Variants in SLC14A2 observed in about 807,000 individuals in gnomAD.
SLC14A2 encodes the protein solute carrier family 14 member 2.
SLC14A2 carries 91 observed loss-of-function variants against 104.6 expected under a neutral mutation model. The ratio of observed to expected loss-of-function variants is 0.87; its 90% CI spans 0.73 to 1.04. The LOEUF (loss-of-function observed/expected upper bound fraction) is 1.04, where lower values mean the gene tolerates loss of function less well. Ranked by LOEUF, SLC14A2 falls within the 50% of genes least tolerant of loss-of-function variation. The probability of loss-of-function intolerance (pLI) is 0.00; values close to 1 mark genes in which losing one functional copy is unlikely to be tolerated. For missense variants in SLC14A2, 1,189 were observed against 1,156.0 expected (o/e 1.03, Z -0.41); for synonymous variants, 476 against 466.4 (o/e 1.02, Z -0.27).
chr18:45,628,033 A>G (rs1027899445), intron 4 of SLC14A2, among the ~76,000 whole-genome samples: 8 of 151,712 alleles, frequency 5.3e-5, no homozygotes, highest in Admixed American at 2.0e-4. Context: ...AAAGAAAAAG[A>G]AAAAAGAATA....
intron 2 of SLC14A2, among the ~76,000 whole-genome samples, chr18:45,605,023 A>G (rs1373672613): frequency 6.6e-6 from 1 of 152,132 alleles, no homozygotes; most frequent in Non-Finnish European, 1.5e-5. Flanking sequence ...CTTCTGCACA[A>G]TGAGGCTTCC....
intron 2 of SLC14A2, among the ~76,000 whole-genome samples, chr18:45,485,616 C>A (rs1406757581): frequency 6.6e-6 from 1 of 152,204 alleles, no homozygotes; most frequent in Admixed American, 6.5e-5. Flanking sequence ...GTGTGGCCAG[C>A]ATCACAAACC....
At chr18:45,283,646 C>T (rs1317603198) in intron 1 of SLC14A2, among the ~76,000 whole-genome samples, 2 of 152,234 alleles carry the variant, frequency 1.3e-5, no homozygotes, top group Non-Finnish European at 2.9e-5. Context: ...GACTTCTACA[C>T]TGTGTATTCA....
intron 1 of SLC14A2, among the ~76,000 whole-genome samples, chr18:45,318,991 TCAGAGACCCCAGTA>T (rs763001409): frequency 6.6e-6 from 1 of 152,084 alleles, no homozygotes; most frequent in Non-Finnish European, 1.5e-5. Context: ...CAGATCCAGC[TCAGAGACCCCAGTA>T]CAGAGACTCC....
At chr18:45,547,001 T>G (rs1004683934) in intron 2 of SLC14A2, among the ~76,000 whole-genome samples, 1 of 152,242 alleles carries the variant, frequency 6.6e-6, no homozygotes, top group South Asian at 2.1e-4. Context: ...GGGACTAATC[T>G]ATGGTCCCCG....
At chr18:45,541,897 G>T (rs747334171) in intron 2 of SLC14A2, among the ~76,000 whole-genome samples, 1 of 152,138 alleles carries the variant, frequency 6.6e-6, no homozygotes, top group South Asian at 2.1e-4. Context: ...ACAGGGTCTT[G>T]CACAAAATAG....
At position 45,376,670 on chromosome 18, in the gene SLC14A2, C is replaced by T. The variant is rs78057595; in HGVS notation, c.-124-106563C>T. On this transcript the variant is annotated intron_variant, in intron 1 of 20. Coordinates refer to the SLC14A2 transcript ENST00000586448. ...AGATATGACATTTAGAGATGGTTCT[C>T]GATGGCTTTGAGATGAGTACAGGGT... is the stretch of plus-strand genomic sequence containing the variant. Among the ~76,000 whole-genome samples the T allele has an allele frequency of 4.6e-4, 70 of 152,198 alleles. No individual in the cohort carries two copies. The East Asian group carries it at 0.011, about 24-fold the overall frequency.
the SLC14A2 span, among the ~76,000 whole-genome samples, chr18:45,205,690 C>T: frequency 6.6e-6 from 1 of 152,206 alleles, no homozygotes; most frequent in Non-Finnish European, 1.5e-5. Context: ...GAAATCTTTT[C>T]TGTTTTTCAC....
chr18:45,173,874 G>C, the SLC14A2 span, among the ~76,000 whole-genome samples: 1 of 152,078 alleles, frequency 6.6e-6, no homozygotes, highest in Non-Finnish European at 1.5e-5. Context: ...TGCACAAGAG[G>C]AAACTGAGCC....
intron 2 of SLC14A2, among the ~76,000 whole-genome samples, chr18:45,577,219 G>C (rs1359406227): frequency 6.8e-6 from 1 of 147,426 alleles, no homozygotes; most frequent in Non-Finnish European, 1.5e-5. Context: ...AAAATACCGA[G>C]AATAAAAACA....
intron 1 of SLC14A2, among the ~76,000 whole-genome samples, chr18:45,241,338 T>A (rs1299915771): frequency 5.3e-5 from 8 of 152,188 alleles, no homozygotes; most frequent in Non-Finnish European, 1.0e-4. Context: ...GAAGGCTGAA[T>A]GTGAGAGGAG....
At chr18:45,567,968 G>C (rs2044291761) in intron 2 of SLC14A2, among the ~76,000 whole-genome samples, 1 of 152,156 alleles carries the variant, frequency 6.6e-6, no homozygotes, top group Non-Finnish European at 1.5e-5. Flanking sequence ...TCACAGGCTT[G>C]ACCCGGGCGG....
chr18:45,333,887 T>C (rs916958186), intron 1 of SLC14A2, among the ~76,000 whole-genome samples: 4 of 152,202 alleles, frequency 2.6e-5, no homozygotes, highest in Admixed American at 6.5e-5. Context: ...CTTTGGAATG[T>C]TTTTTAACTT....
intron 2 of SLC14A2, among the ~76,000 whole-genome samples, chr18:45,590,756 GCCTA>G (rs2044635993): frequency 6.6e-6 from 1 of 152,250 alleles, no homozygotes; most frequent in South Asian, 2.1e-4. Flanking sequence ...ACAGCTTCAT[GCCTA>G]GAAAATTATC....
At position 45,414,755 on chromosome 18, in the gene SLC14A2, AAAATATATATAT is replaced by A. The variant is rs1196316533; in HGVS notation, c.-124-68476_-124-68465del. 8.9e-4 allele frequency among the ~76,000 whole-genome samples: 57 copies of A among 64,128 alleles called. 4 individuals are homozygous for A. The highest frequency in any genetic ancestry group is 4.0e-3 in the South Asian group (8 of 1,984). 42.1% of individuals were successfully genotyped at this position (64,128 alleles called of 152,430 possible). On this transcript the variant is annotated intron_variant, in intron 1 of 20. Coordinates refer to the SLC14A2 transcript ENST00000586448. ...CAAGGCACCGAGCGTAAAAAAAAAAAAAATATATATATATATATATATATATATATATATATA... is the reference window on the plus strand; with the variant it reads ...CAAGGCACCGAGCGTAAAAAAAAAAAATATATATATATATATATATATATA...
At chr18:45,396,673 TAAC>T (rs2086036689) in intron 1 of SLC14A2, among the ~76,000 whole-genome samples, 2 of 141,120 alleles carry the variant, frequency 1.4e-5, no homozygotes, top group African/African-American at 2.6e-5. Flanking sequence ...TCTTTTTTTT[TAAC>T]TTTTATTTTA....
At chr18:45,373,854 A>T (rs1365324582) in intron 1 of SLC14A2, among the ~76,000 whole-genome samples, 1 of 152,196 alleles carries the variant, frequency 6.6e-6, no homozygotes, top group Non-Finnish European at 1.5e-5. Context: ...TGAAGGACTT[A>T]AAAGACAGTG....
intron 2 of SLC14A2, among the ~76,000 whole-genome samples, chr18:45,552,968 C>T (rs1175256355): frequency 1.3e-5 from 2 of 152,182 alleles, no homozygotes; most frequent in African/African-American, 2.4e-5. Context: ...ATCATCCTGG[C>T]TGCAGTGTTG....
chr18:45,673,197 T>A, intron 17 of SLC14A2, 150 bp downstream of exon 17: 1 of 768,642 alleles, frequency 1.3e-6, no homozygotes, highest in East Asian at 2.6e-5. Context: ...GTTTTTGATC[T>A]AGCCCCTTTA....
Sources: allele counts gnomAD v4.1 joint callset (sites outside exome capture counted in the v4.1 genomes callset), GRCh38; gene constraint gnomAD v4.1.1; transcripts MANE v1.5; gene names NCBI Gene and HGNC (gene_info 2026-07-23, HGNC 2026-07-21).